The following ADCY8 variants were observed in gnomAD, a reference collection of about 807,000 sequenced individuals.
ADCY8 encodes adenylate cyclase 8, also known as adenylate cyclase type 8.
Under a neutral mutation model 119.7 loss-of-function variants are expected in ADCY8, and 51 were observed. That is an observed-to-expected ratio of 0.43 (90% CI 0.34 to 0.54). The LOEUF is 0.54. Among genes scored for constraint, ADCY8 ranks in the 20% least tolerant of loss-of-function variants. The probability of loss-of-function intolerance (pLI) is 0.03; values close to 1 mark genes in which losing one functional copy is unlikely to be tolerated. For synonymous variants in ADCY8, 665 were observed against 651.0 expected, an observed-to-expected ratio of 1.02 and a Z score of -0.33; for missense variants, 1,383 against 1,598.8, an observed-to-expected ratio of 0.87 and a Z score of 2.30.
chr8:130,900,336 G>A (rs1819554207), intron 7 of ADCY8, among the ~76,000 whole-genome samples: 1 of 152,152 alleles, frequency 6.6e-6, no homozygotes, highest in African/African-American at 2.4e-5. Flanking sequence ...AATTATTAGT[G>A]ATTTTCATTG....
At chr8:130,842,970 C>G (rs1817193187) in intron 11 of ADCY8, among the ~76,000 whole-genome samples, 1 of 151,272 alleles carries the variant, frequency 6.6e-6, no homozygotes, top group South Asian at 2.1e-4. Context: ...TCATATTTTC[C>G]TCCTCCTTTT....
intron 1 of ADCY8, among the ~76,000 whole-genome samples, chr8:131,015,618 T>C (rs1205789633): frequency 6.6e-6 from 1 of 152,246 alleles, no homozygotes; most frequent in African/African-American, 2.4e-5. Flanking sequence ...AAACAATTCA[T>C]AGCTTTATCC....
At chr8:131,015,704 T>A (rs901608071) in intron 1 of ADCY8, among the ~76,000 whole-genome samples, 4 of 152,106 alleles carry the variant, frequency 2.6e-5, no homozygotes, top group Non-Finnish European at 5.9e-5. Context: ...TTTAAAAAAA[T>A]TATCTTATTT....
At position 131,039,483 on chromosome 8, in the gene ADCY8, ATAC is replaced by A. The variant is rs1242901564; in HGVS notation, c.848_850del (p.Ser283del). 1.2e-6 allele frequency: 2 copies of A among 1,614,068 alleles called. No individual in the cohort carries two copies. The highest frequency in any genetic ancestry group is 3.3e-5 in the Admixed American group (2 of 60,026). Reference sequence around the variant, plus strand: ...GGCCCAGGTGAGCGGCAGCGGCAGCATACTGTAGGTGGCGAAGAGCGTGAAGAG... The same window carrying A: ...GGCCCAGGTGAGCGGCAGCGGCAGCATGTAGGTGGCGAAGAGCGTGAAGAG... On this transcript the variant is annotated inframe_deletion, in exon 1 of 18. Transcript: ENST00000286355.
At chr8:131,028,665 G>C (rs140913646) in intron 1 of ADCY8, among the ~76,000 whole-genome samples, 37 of 152,286 alleles carry the variant, frequency 2.4e-4, no homozygotes, top group African/African-American at 8.7e-4. Context: ...CTTTTTAGAA[G>C]TCTGTAGATA....
chr8:130,904,047 G>T lies in ADCY8; in HGVS notation c.1641-5C>A, dbSNP rs191240107. 2.7e-5 allele frequency: 43 copies of T among 1,610,042 alleles called. No individual in the cohort carries two copies. Among genetic ancestry groups the T allele is most frequent in the East Asian group, 2.5e-4 (11 of 44,810 alleles). ...GCTTTGGAAATGTGAATCCTCCTGTGTGTAGAAGGCATAGGTCATTACACA... is the reference window on the plus strand; with the variant it reads ...GCTTTGGAAATGTGAATCCTCCTGTTTGTAGAAGGCATAGGTCATTACACA... On this transcript the variant is annotated splice_region_variant and splice_polypyrimidine_tract_variant and intron_variant, in intron 6 of 17. Transcript: ENST00000286355.
rs543882190 is a variant in ADCY8 at position 130,925,814 on chromosome 8, T to G, written c.1481+11259A>C. On this transcript the variant is annotated intron_variant, in intron 5 of 17. Transcript: ENST00000286355. ...CTCTTGGAACTCAGCTTTGATGTGT[T>G]ATCATCCCATCCTTTCTATTTCACA... 2.6e-5 allele frequency among the ~76,000 whole-genome samples: 4 copies of G among 152,336 alleles called. No homozygotes were observed. In the South Asian group the frequency reaches 8.3e-4, roughly 32 times the overall value.
chr8:130,904,056 G>C lies in ADCY8; in HGVS notation c.1641-14C>G, dbSNP rs770752850. 2 of 1,605,812 alleles carry C rather than the reference G, an allele frequency of 1.2e-6. No homozygotes were observed. Among genetic ancestry groups the C allele is most frequent in the African/African-American group, 2.7e-5 (2 of 74,856 alleles). ...ATGTGAATCCTCCTGTGTGTAGAAG[G>C]CATAGGTCATTACACACTCCTGATG... On this transcript the variant is annotated splice_polypyrimidine_tract_variant and intron_variant, in intron 6 of 17. Transcript: ENST00000286355.
At chr8:130,862,501 C>G (rs1232067456) in intron 9 of ADCY8, among the ~76,000 whole-genome samples, 1 of 152,140 alleles carries the variant, frequency 6.6e-6, no homozygotes, top group Non-Finnish European at 1.5e-5. Flanking sequence ...CAAGCTCCGC[C>G]TCCCAGGTTC....
chr8:130,854,643 G>A (rs575884791), intron 9 of ADCY8, among the ~76,000 whole-genome samples: 1 of 152,160 alleles, frequency 6.6e-6, no homozygotes, highest in Non-Finnish European at 1.5e-5. Flanking sequence ...GCCAGAAATA[G>A]GCTTGGTTAA....
intron 4 of ADCY8, among the ~76,000 whole-genome samples, chr8:130,942,496 T>A (rs949790502): frequency 6.6e-6 from 1 of 152,220 alleles, no homozygotes; most frequent in African/African-American, 2.4e-5. Context: ...ATTCTCATAT[T>A]CCTAACACAT....
In ADCY8 at chr8:130,838,481, C is replaced by T. The variant is rs143234729; in HGVS notation, c.2503-2032G>A. Among the ~76,000 whole-genome samples the T allele has an allele frequency of 9.2e-4, 140 of 152,224 alleles. 6 individuals carry two copies. The East Asian group carries it at 0.022, about 24-fold the overall frequency. Reference sequence around the variant, plus strand: ...ACTGGGCAATAAGAAGTTCATTCTCCAGAGCTCATTTTCTGCTCCAGAGAA... The same window carrying T: ...ACTGGGCAATAAGAAGTTCATTCTCTAGAGCTCATTTTCTGCTCCAGAGAA... On this transcript the variant is annotated intron_variant, in intron 11 of 17. Transcript: ENST00000286355.
intron 1 of ADCY8, among the ~76,000 whole-genome samples, chr8:131,036,070 T>A (rs1350752241): frequency 6.6e-6 from 1 of 152,180 alleles, no homozygotes; most frequent in Non-Finnish European, 1.5e-5. Flanking sequence ...TTTAGAAGGA[T>A]AATCACTAAA....
rs1563759115 is a variant in ADCY8 at position 130,992,414 on chromosome 8, TATATATATATA to T, written c.961-1883_961-1873del. Among the ~76,000 whole-genome samples, 312 of 35,354 alleles carry T rather than the reference TATATATATATA, an allele frequency of 8.8e-3. 12 individuals carry two copies. Among genetic ancestry groups the T allele is most frequent in the African/African-American group, 0.03 (285 of 9,388 alleles). 23.2% of individuals were successfully genotyped at this position (35,354 alleles called of 152,430 possible). ...ATATATATATATATATATATATATA[TATATATATATA>T]TATATTTGAGATAGGGTCTCACTCT... On this transcript the variant is annotated intron_variant, in intron 1 of 17. Transcript: ENST00000286355.
intron 14 of ADCY8, among the ~76,000 whole-genome samples, chr8:130,811,151 G>A (rs1208051862): frequency 6.6e-6 from 1 of 152,144 alleles, no homozygotes; most frequent in Non-Finnish European, 1.5e-5. Flanking sequence ...CTGTTGAGGA[G>A]GGTGGAGTCT....
chr8:130,999,834 A>G (rs1822889209), intron 1 of ADCY8, among the ~76,000 whole-genome samples: 2 of 152,200 alleles, frequency 1.3e-5, no homozygotes, highest in East Asian at 3.9e-4. Context: ...AAACATTTAG[A>G]CAGAAAATAA....
rs117122725 is a variant in ADCY8 at position 130,831,529 on chromosome 8, G to A, written c.2675+4748C>T. On this transcript the variant is annotated intron_variant, in intron 12 of 17. Coordinates refer to ENST00000286355, the MANE Select transcript of ADCY8 (RefSeq NM_001115.3). ...ATAGGTTGGAATCATTCAGGGAGAT[G>A]GACATATCAGGCAGGGGGATATATG... 3.0e-4 allele frequency among the ~76,000 whole-genome samples: 46 copies of A among 152,262 alleles called. No individual in the cohort carries two copies. In the East Asian group the frequency reaches 8.7e-3, roughly 29 times the overall value.
In ADCY8 at chr8:130,904,020, T is replaced by C. The variant is rs754583984; in HGVS notation, c.1663A>G (p.Thr555Ala). The change falls in exon 7 of 18, where the codon ACG (threonine) becomes GCG (alanine). Residue 555 changes from threonine (T) to alanine (A), a missense_variant. Physicochemically the swap from Thr to Ala is moderately conservative, Grantham distance 58. Around this residue, in one of 2 missense-constraint regions of ADCY8, gnomAD observed 928 missense variants for 1,163.5 expected, o/e 0.80. Transcript: ENST00000286355. Reference protein sequence around the residue: ...IPGRIHISKATLDCLNGDYNV... With the variant: ...IPGRIHISKAALDCLNGDYNV... Reference sequence around the variant, plus strand: ...TAGTCACCGTTGAGACAGTCCAGCGTGGCTTTGGAAATGTGAATCCTCCTG... The same window carrying C: ...TAGTCACCGTTGAGACAGTCCAGCGCGGCTTTGGAAATGTGAATCCTCCTG... 6 of 1,613,310 alleles carry C rather than the reference T, an allele frequency of 3.7e-6. No individual in the cohort carries two copies. In the Admixed American group the frequency reaches 1.0e-4, roughly 27 times the overall value.
At chr8:130,873,976 C>T (rs1331028826) in intron 8 of ADCY8, among the ~76,000 whole-genome samples, 1 of 152,084 alleles carries the variant, frequency 6.6e-6, no homozygotes, top group Non-Finnish European at 1.5e-5. Context: ...TAAATTCATG[C>T]ATTCTGTAGC....
Sources: allele counts gnomAD v4.1 joint callset (sites outside exome capture counted in the v4.1 genomes callset), GRCh38; gene constraint gnomAD v4.1.1; regional missense constraint gnomAD v4.1.1; transcripts MANE v1.5; gene names NCBI Gene and HGNC (gene_info 2026-07-23, HGNC 2026-07-21).